The following EXOC4 variants were observed in gnomAD, a reference collection of about 807,000 sequenced individuals.
EXOC4 encodes the protein SEC8-like 1.
EXOC4 carries 71 observed loss-of-function variants against 107.2 expected under a neutral mutation model. The ratio of observed to expected loss-of-function variants is 0.66; its 90% CI spans 0.55 to 0.81. The LOEUF is 0.81. Ranked by LOEUF, EXOC4 falls within the 30% of genes least tolerant of loss-of-function variation. The pLI is 0.00. For missense variants in EXOC4, 1,108 were observed against 1,189.6 expected, an observed-to-expected ratio of 0.93 and a Z score of 1.01; for synonymous variants, 456 against 441.2, an observed-to-expected ratio of 1.03 and a Z score of -0.42.
intron 3 of EXOC4, among the ~76,000 whole-genome samples, chr7:133,301,979 C>T (rs1006366786): frequency 6.6e-6 from 1 of 152,074 alleles, no homozygotes; most frequent in African/African-American, 2.4e-5. Flanking sequence ...GTATTTTACA[C>T]TAAAATGAAG....
At chr7:133,810,021 C>T (rs1216676988) in intron 10 of EXOC4, among the ~76,000 whole-genome samples, 1 of 152,180 alleles carries the variant, frequency 6.6e-6, no homozygotes, top group East Asian at 1.9e-4. Context: ...CTGTGTTCTT[C>T]TTTATATCAT....
intron 12 of EXOC4, among the ~76,000 whole-genome samples, chr7:133,901,979 A>T (rs1406077775): frequency 6.6e-6 from 1 of 152,202 alleles, no homozygotes; most frequent in African/African-American, 2.4e-5. Flanking sequence ...AACAAGATCA[A>T]GATAACCAAG....
At chr7:133,513,475 C>T (rs1219282481) in intron 9 of EXOC4, among the ~76,000 whole-genome samples, 1 of 152,180 alleles carries the variant, frequency 6.6e-6, no homozygotes, top group Non-Finnish European at 1.5e-5. Flanking sequence ...AAACATGATA[C>T]ACCTTTTATT....
chr7:133,270,874 G>C (rs1793852363), intron 1 of EXOC4, among the ~76,000 whole-genome samples: 1 of 151,270 alleles, frequency 6.6e-6, no homozygotes, highest in African/African-American at 2.4e-5. Context: ...TTGCTAGCAT[G>C]TGTGAGAACT....
intron 7 of EXOC4, among the ~76,000 whole-genome samples, chr7:133,406,675 A>T (rs1189654023): frequency 6.6e-6 from 1 of 152,370 alleles, no homozygotes; most frequent in East Asian, 1.9e-4. Flanking sequence ...CATAAATAAA[A>T]TACAGTTCTC....
At chr7:134,007,926 A>G (rs1563089445) in intron 17 of EXOC4, 91 bp downstream of exon 17, 1 of 1,211,874 alleles carries the variant, frequency 8.3e-7, no homozygotes, top group East Asian at 2.5e-5. Context: ...CTTGGTGCAG[A>G]AAAAGCTTAG....
chr7:133,641,495 A>C (rs1802853697), intron 10 of EXOC4, among the ~76,000 whole-genome samples: 1 of 152,108 alleles, frequency 6.6e-6, no homozygotes, highest in Admixed American at 6.6e-5. Context: ...CATTGCCTTC[A>C]CTTTAGCTAG....
intron 7 of EXOC4, among the ~76,000 whole-genome samples, chr7:133,435,736 TTAAG>T (rs1797956108): frequency 6.6e-6 from 1 of 152,210 alleles, no homozygotes; most frequent in Admixed American, 6.5e-5. Context: ...TTTGTGTTAC[TTAAG>T]TTTTAGCTAT....
chr7:134,024,607 T>C (rs1310439655), intron 17 of EXOC4, among the ~76,000 whole-genome samples: 1 of 152,232 alleles, frequency 6.6e-6, no homozygotes, highest in Non-Finnish European at 1.5e-5. Flanking sequence ...CATTTTTGGC[T>C]ACCCCTCCTC....
At chr7:134,049,210 T>A (rs1795726393) in intron 17 of EXOC4, among the ~76,000 whole-genome samples, 1 of 152,240 alleles carries the variant, frequency 6.6e-6, no homozygotes, top group South Asian at 2.1e-4. Context: ...TAAGGAGTGT[T>A]AAAATACCTT....
chr7:133,566,327 A>C (rs567231516), intron 9 of EXOC4, among the ~76,000 whole-genome samples: 1 of 152,164 alleles, frequency 6.6e-6, no homozygotes, highest in Non-Finnish European at 1.5e-5. Context: ...TGATTATTTC[A>C]TGGGCTTTAG....
At chr7:133,543,881 C>T (rs1360728754) in intron 9 of EXOC4, among the ~76,000 whole-genome samples, 2 of 152,164 alleles carry the variant, frequency 1.3e-5, no homozygotes, top group African/African-American at 4.8e-5. Flanking sequence ...CTAATCTTAT[C>T]TGCTGGCTAG....
At chr7:133,821,172 T>C (rs1313211791) in intron 11 of EXOC4, among the ~76,000 whole-genome samples, 1 of 152,222 alleles carries the variant, frequency 6.6e-6, no homozygotes, top group East Asian at 1.9e-4. Context: ...TTAGTAGCAT[T>C]TACTGTGAGT....
intron 5 of EXOC4, among the ~76,000 whole-genome samples, chr7:133,324,570 A>C (rs1456419184): frequency 6.6e-6 from 1 of 152,186 alleles, no homozygotes; most frequent in Non-Finnish European, 1.5e-5. Flanking sequence ...CTGTTGTCTG[A>C]GAGACAGTTT....
intron 5 of EXOC4, among the ~76,000 whole-genome samples, chr7:133,350,390 A>G (rs1165592571): frequency 6.6e-6 from 1 of 151,938 alleles, no homozygotes; most frequent in Non-Finnish European, 1.5e-5. Flanking sequence ...TTTTGTATGT[A>G]GATATTGTTT....
chr7:133,328,749 C>T (rs900029275), intron 5 of EXOC4, among the ~76,000 whole-genome samples: 2 of 152,162 alleles, frequency 1.3e-5, no homozygotes, highest in African/African-American at 4.8e-5. Context: ...AATATTGGCC[C>T]TCACTGTCTT....
chr7:133,863,536 G>A (rs1798576521), intron 11 of EXOC4, among the ~76,000 whole-genome samples: 1 of 152,146 alleles, frequency 6.6e-6, no homozygotes. Flanking sequence ...ATTACCTTTG[G>A]ACAGGGATAG....
At chr7:133,279,533 A>G (rs1050954122) in intron 2 of EXOC4, among the ~76,000 whole-genome samples, 4 of 152,178 alleles carry the variant, frequency 2.6e-5, no homozygotes, top group African/African-American at 9.7e-5. Context: ...TATGCTTGCC[A>G]TTTGAGAGAG....
intron 9 of EXOC4, among the ~76,000 whole-genome samples, chr7:133,620,408 T>G (rs1430300581): frequency 6.6e-6 from 1 of 152,154 alleles, no homozygotes; most frequent in African/African-American, 2.4e-5. Context: ...ATCTGGCAGT[T>G]TCTGAAGATG....
Sources: gnomAD v4.1 joint callset for allele counts (sites outside exome capture counted in the v4.1 genomes callset) on GRCh38, gnomAD v4.1.1 for gene constraint, MANE v1.5 for transcripts, NCBI Gene and HGNC (gene_info 2026-07-23, HGNC 2026-07-21) for gene names.